The following RIN2 variants were observed in gnomAD, a reference collection of about 807,000 sequenced individuals.
RIN2 encodes Ras and Rab interactor 2, also known as RAB5 interacting protein 2.
Under a neutral mutation model 78.0 loss-of-function variants are expected in RIN2, and 36 were observed. That is an observed-to-expected ratio of 0.46 (90% confidence interval 0.35 to 0.61). The LOEUF is 0.61. RIN2 is among the 20% of genes least tolerant of loss of function. RIN2 has a pLI of 0.00. For missense variants in RIN2, 1,087 were observed against 1,159.7 expected, an observed-to-expected ratio of 0.94 and a Z score of 0.91; for synonymous variants, 466 against 466.8, an observed-to-expected ratio of 1.00 and a Z score of 0.02.
intron 2 of RIN2, among the ~76,000 whole-genome samples, chr20:19,880,910 A>G (rs2038009210): frequency 6.6e-6 from 1 of 152,234 alleles, no homozygotes; most frequent in Non-Finnish European, 1.5e-5. Context: ...CTAAAATAAC[A>G]GACCGAACAT....
chr20:19,886,090 C>A (rs1237825856), intron 2 of RIN2, among the ~76,000 whole-genome samples: 1 of 152,232 alleles, frequency 6.6e-6, no homozygotes, highest in Non-Finnish European at 1.5e-5. Context: ...CAAGATCTGG[C>A]CTGTGGCCCG....
chr20:19,795,554 G>T (rs141880290), intron 1 of RIN2, among the ~76,000 whole-genome samples: 2 of 152,214 alleles, frequency 1.3e-5, no homozygotes, highest in East Asian at 3.9e-4. Context: ...TGAGATAAGG[G>T]TGTCAGAGAT....
chr20:19,822,951 TATTTCTAATA>T (rs1247566472), intron 2 of RIN2, among the ~76,000 whole-genome samples: 1 of 145,136 alleles, frequency 6.9e-6, no homozygotes, highest in Admixed American at 6.8e-5. Flanking sequence ...TAAAAATATA[TATTTCTAATA>T]ATTTCTAATA....
At chr20:19,835,679 C>T (rs991907963) in intron 2 of RIN2, among the ~76,000 whole-genome samples, 5 of 151,778 alleles carry the variant, frequency 3.3e-5, no homozygotes, top group African/African-American at 7.3e-5. Context: ...CCCTGAAATT[C>T]GGGCCTGCAT....
At chr20:19,810,878 GTTTT>G (rs71198025) in intron 2 of RIN2, among the ~76,000 whole-genome samples, 13 of 135,444 alleles carry the variant, frequency 9.6e-5, no homozygotes, top group African/African-American at 2.4e-4. Context: ...GTGTGTGTGT[GTTTT>G]TTTTTTTTTT....
intron 1 of RIN2, among the ~76,000 whole-genome samples, chr20:19,778,495 A>G (rs897393331): frequency 1.3e-5 from 2 of 152,196 alleles, no homozygotes; most frequent in Admixed American, 6.5e-5. Context: ...CAGATGGGCA[A>G]ACAAATGCTC....
At chr20:19,817,831 T>G (rs6515042) in intron 2 of RIN2, among the ~76,000 whole-genome samples, 1 of 152,056 alleles carries the variant, frequency 6.6e-6, no homozygotes, top group Non-Finnish European at 1.5e-5. Context: ...GCCTGAGCAC[T>G]CCATCACTAT....
chr20:19,954,170 C>T (rs2041440423), intron 4 of RIN2, among the ~76,000 whole-genome samples: 1 of 152,198 alleles, frequency 6.6e-6, no homozygotes, highest in Admixed American at 6.5e-5. Context: ...AATTCAGTCC[C>T]ACCTCTTAGG....
intron 2 of RIN2, among the ~76,000 whole-genome samples, chr20:19,830,958 C>A (rs2036233430): frequency 6.6e-6 from 1 of 152,248 alleles, no homozygotes; most frequent in South Asian, 2.1e-4. Flanking sequence ...ATCTCCATGT[C>A]CCCGTGTCCA....
At chr20:19,848,572 T>G (rs2036858800) in intron 2 of RIN2, among the ~76,000 whole-genome samples, 1 of 150,068 alleles carries the variant, frequency 6.7e-6, no homozygotes, top group Admixed American at 6.6e-5. Flanking sequence ...GGGTCTCTTC[T>G]GGAAGATCTG....
At chr20:19,888,533 G>A (rs536403056) in intron 2 of RIN2, among the ~76,000 whole-genome samples, 1 of 152,314 alleles carries the variant, frequency 6.6e-6, no homozygotes, top group East Asian at 1.9e-4. Context: ...CACCCCTGCA[G>A]CTGAACCACT....
intron 3 of RIN2, among the ~76,000 whole-genome samples, chr20:19,902,905 A>G (rs1204259468): frequency 6.6e-6 from 1 of 152,068 alleles, no homozygotes; most frequent in Admixed American, 6.6e-5. Flanking sequence ...CATCCTGGCT[A>G]ACGCGGTGAA....
chr20:19,821,920 G>A (rs2035939227), intron 2 of RIN2, among the ~76,000 whole-genome samples: 1 of 152,196 alleles, frequency 6.6e-6, no homozygotes, highest in African/African-American at 2.4e-5. Flanking sequence ...GTTCAGTCAT[G>A]TTTGTTAAGT....
chr20:19,796,861 A>G (rs1450909245), intron 1 of RIN2, among the ~76,000 whole-genome samples: 2 of 152,194 alleles, frequency 1.3e-5, no homozygotes, highest in Non-Finnish European at 2.9e-5. Context: ...TTGGGGCCAA[A>G]TCATCCCATA....
chr20:19,968,141 G>A (rs1412148058), intron 7 of RIN2, among the ~76,000 whole-genome samples: 1 of 152,178 alleles, frequency 6.6e-6, no homozygotes, highest in East Asian at 1.9e-4. Flanking sequence ...TCACTTGTCT[G>A]TGTCGTCATC....
chr20:19,760,386 A>ATAATTCATTGTCATTT (rs2033588472), intron 1 of RIN2, among the ~76,000 whole-genome samples: 1 of 152,178 alleles, frequency 6.6e-6, no homozygotes, highest in Admixed American at 6.5e-5. Context: ...AGAGGAGGAA[A>ATAATTCATTGTCATTT]CTGAAATAGC....
intron 1 of RIN2, among the ~76,000 whole-genome samples, chr20:19,767,440 T>C (rs1451844708): frequency 6.6e-6 from 1 of 152,144 alleles, no homozygotes; most frequent in Non-Finnish European, 1.5e-5. Context: ...TGGCTGGCTC[T>C]GGGGAAAAGA....
At chr20:19,934,621 T>G (rs982038093) in intron 3 of RIN2, 3 of 977,924 alleles carry the variant, frequency 3.1e-6, no homozygotes, top group Non-Finnish European at 3.6e-6. Context: ...GAAATCAATA[T>G]GTAAGCTGGA....
intron 9 of RIN2, among the ~76,000 whole-genome samples, chr20:19,989,440 A>AT (rs1214494739): frequency 6.6e-6 from 1 of 151,640 alleles, no homozygotes; most frequent in Non-Finnish European, 1.5e-5. Flanking sequence ...TGCCCAGCTA[A>AT]TTTTTTTGTA....
Sources: allele counts gnomAD v4.1 joint callset (sites outside exome capture counted in the v4.1 genomes callset), GRCh38; gene constraint gnomAD v4.1.1; transcripts MANE v1.5; gene names NCBI Gene and HGNC (gene_info 2026-07-23, HGNC 2026-07-21).